Variants in ZNF679 observed in about 807,000 individuals in gnomAD.
The protein encoded by ZNF679 is zinc finger protein 679.
Under a neutral mutation model 13.4 loss-of-function variants are expected in ZNF679, and 10 were observed. The observed-to-expected ratio is 0.75, with a 90% CI of 0.46 to 1.27. ZNF679 has a LOEUF of 1.27. Among genes scored for constraint, ZNF679 ranks in the 50% most tolerant of loss-of-function variants. The pLI is 0.00. For missense variants in ZNF679, 525 were observed against 477.8 expected (o/e 1.10, Z -0.92); for synonymous variants, 179 against 162.5 (o/e 1.10, Z -0.77).
chr7:64,241,459 G>C (rs1360350846), intron 1 of ZNF679, among the ~76,000 whole-genome samples: 1 of 152,206 alleles, frequency 6.6e-6, no homozygotes, highest in African/African-American at 2.4e-5. Flanking sequence ...TCACCTAGGT[G>C]GTGGGCCCAG....
chr7:64,255,615 T>A (rs550341477), intron 2 of ZNF679, among the ~76,000 whole-genome samples: 178 of 105,210 alleles, frequency 1.7e-3, no homozygotes, highest in African/African-American at 3.5e-3. Flanking sequence ...TGATTTTTTT[T>A]ATTTTTTTTT....
chr7:64,244,029 A>T (rs569775975), intron 1 of ZNF679, among the ~76,000 whole-genome samples: 45 of 152,264 alleles, frequency 3.0e-4, no homozygotes, highest in African/African-American at 1.1e-3. Flanking sequence ...AGGCGGGCAG[A>T]TCATGAGGTC....
intron 2 of ZNF679, among the ~76,000 whole-genome samples, chr7:64,251,971 G>A (rs1194489807): frequency 6.6e-6 from 1 of 152,160 alleles, no homozygotes. Flanking sequence ...TCATATGCTG[G>A]TATTGAGGGA....
At chr7:64,261,741 A>G (rs1339396110) in intron 4 of ZNF679, among the ~76,000 whole-genome samples, 1 of 151,644 alleles carries the variant, frequency 6.6e-6, no homozygotes, top group Non-Finnish European at 1.5e-5. Flanking sequence ...TTGTATTGTG[A>G]TTTTGTTTTG....
intron 1 of ZNF679, among the ~76,000 whole-genome samples, chr7:64,242,469 A>G (rs1787811142): frequency 6.6e-6 from 1 of 152,114 alleles, no homozygotes; most frequent in Non-Finnish European, 1.5e-5. Flanking sequence ...CATCTCTCCA[A>G]TCTTTAGGTC....
intron 2 of ZNF679, among the ~76,000 whole-genome samples, chr7:64,253,500 T>C (rs1008616923): frequency 2.6e-5 from 4 of 152,172 alleles, no homozygotes; most frequent in Admixed American, 2.6e-4. Flanking sequence ...GCAGATTCAG[T>C]CAGAGTTAGA....
At chr7:64,253,698 T>C (rs1787970075) in intron 2 of ZNF679, among the ~76,000 whole-genome samples, 1 of 152,174 alleles carries the variant, frequency 6.6e-6, no homozygotes, top group African/African-American at 2.4e-5. Context: ...CTTTCTTTCA[T>C]AGAGAATAGC....
chr7:64,235,895 TAAAA>T (rs1787704194), intron 1 of ZNF679, among the ~76,000 whole-genome samples: 1 of 138,236 alleles, frequency 7.2e-6, no homozygotes, highest in Non-Finnish European at 1.6e-5. Flanking sequence ...CATAGATACT[TAAAA>T]GACACAAAAA....
chr7:64,261,860 C>CTTTTT (rs57119054), intron 4 of ZNF679, among the ~76,000 whole-genome samples: 7 of 137,368 alleles, frequency 5.1e-5, no homozygotes, highest in East Asian at 2.1e-4. Context: ...TTCTTTCTTT[C>CTTTTT]TTTTTTTTTT....
At chr7:64,256,743 G>C (rs1303723428) in intron 2 of ZNF679, among the ~76,000 whole-genome samples, 1 of 149,534 alleles carries the variant, frequency 6.7e-6, no homozygotes, top group Non-Finnish European at 1.5e-5. Flanking sequence ...TTTCGCCCAG[G>C]CTGGAGTGCA....
chr7:64,261,012 G>A (rs576162332), intron 4 of ZNF679, 83 bp downstream of exon 4: 714 of 1,376,910 alleles, frequency 5.2e-4, no homozygotes, highest in Non-Finnish European at 6.6e-4. Flanking sequence ...ATGTGATTTG[G>A]GGAGATGTGC....
intron 2 of ZNF679, among the ~76,000 whole-genome samples, chr7:64,251,173 G>A (rs1050971185): frequency 6.6e-6 from 1 of 152,104 alleles, no homozygotes; most frequent in Admixed American, 6.5e-5. Context: ...GAAAGCAGAG[G>A]TCAGGCGCAG....
At chr7:64,239,700 C>CATGA (rs1252589142) in intron 1 of ZNF679, among the ~76,000 whole-genome samples, 1 of 152,138 alleles carries the variant, frequency 6.6e-6, no homozygotes, top group Non-Finnish European at 1.5e-5. Flanking sequence ...CACTTAATGA[C>CATGA]ATGACTGTCC....
At chr7:64,235,906 A>G (rs568989167) in intron 1 of ZNF679, among the ~76,000 whole-genome samples, 3,598 of 130,236 alleles carry the variant, frequency 0.028, 63 homozygotes, top group Admixed American at 0.062. Flanking sequence ...AAAAGACACA[A>G]AAAAGATAAG....
At chr7:64,264,422 A>T (rs1423135330) in intron 4 of ZNF679, among the ~76,000 whole-genome samples, 1 of 152,078 alleles carries the variant, frequency 6.6e-6, no homozygotes, top group Non-Finnish European at 1.5e-5. Flanking sequence ...GATCACAATA[A>T]TACCACAGAT....
intron 1 of ZNF679, among the ~76,000 whole-genome samples, chr7:64,241,829 G>A (rs1787802766): frequency 6.6e-6 from 1 of 152,148 alleles, no homozygotes; most frequent in Admixed American, 6.5e-5. Context: ...TTTGTGCATG[G>A]CCCAGGTATA....
intron 1 of ZNF679, among the ~76,000 whole-genome samples, chr7:64,229,490 T>C (rs999517295): frequency 6.6e-6 from 1 of 152,158 alleles, no homozygotes; most frequent in African/African-American, 2.4e-5. Context: ...TCTGCATCCA[T>C]ATGTGAGATT....
rs569321188 is a variant in ZNF679, at chr7:64,246,001, C to T, written c.-90-3027C>T. 6.6e-5 allele frequency among the ~76,000 whole-genome samples: 10 copies of T among 152,196 alleles called. No homozygotes were observed. In the East Asian group the frequency reaches 7.7e-4, roughly 12 times the overall value. On this transcript the variant is annotated intron_variant, in intron 1 of 4. Coordinates refer to ENST00000421025, the MANE Select transcript of ZNF679 (RefSeq NM_153363.3). Reference sequence around the variant, plus strand: ...AGCCTGGGCAACAAGAGCGAGACTCCGTCTCAAAACAAACAAACAAACACA... The same window carrying T: ...AGCCTGGGCAACAAGAGCGAGACTCTGTCTCAAAACAAACAAACAAACACA...
intron 1 of ZNF679, among the ~76,000 whole-genome samples, chr7:64,247,172 T>G (rs969678736): frequency 1.3e-5 from 2 of 152,184 alleles, no homozygotes; most frequent in African/African-American, 2.4e-5. Context: ...TTTTGGTGGA[T>G]TTTTCTGGCT....
Sources: allele counts gnomAD v4.1 joint callset (sites outside exome capture counted in the v4.1 genomes callset), GRCh38; gene constraint gnomAD v4.1.1; transcripts MANE v1.5; gene names NCBI Gene and HGNC (gene_info 2026-07-23, HGNC 2026-07-21).